THSD7B: variants seen among roughly 807,000 people sequenced by gnomAD.
THSD7B encodes the protein thrombospondin type 1 domain containing 7B.
A neutral mutation model predicts 213.6 loss-of-function variants in THSD7B; 138 were observed. The ratio of observed to expected loss-of-function variants is 0.65; its 90% CI spans 0.56 to 0.74. The LOEUF (loss-of-function observed/expected upper bound fraction) is 0.74. Ranked by LOEUF, THSD7B falls within the 30% of genes least tolerant of loss-of-function variation. THSD7B has a pLI of 0.00. For missense variants in THSD7B, 1,931 were observed against 1,991.5 expected (o/e 0.97, Z 0.58); for synonymous variants, 742 against 687.0 (o/e 1.08, Z -1.25).
At position 136,868,120 on chromosome 2, in the gene THSD7B, G is replaced by GCACACA. The variant is rs10671218; in HGVS notation, c.-35-14007_-35-14002dup. ...CCACACCACACACACACACGCGCGC[G>GCACACA]CACACACACACACACACACACATCC... On this transcript the variant is annotated intron_variant, in intron 1 of 27. Coordinates refer to ENST00000409968, the MANE Select transcript of THSD7B (RefSeq NM_001316349.2). 5.3e-4 allele frequency among the ~76,000 whole-genome samples: 79 copies of GCACACA among 149,256 alleles called. No homozygotes were observed. The East Asian group carries it at 9.0e-3, about 17-fold the overall frequency.
At chr2:136,858,011 GTT>G (rs1188046578) in intron 1 of THSD7B, among the ~76,000 whole-genome samples, 4 of 152,172 alleles carry the variant, frequency 2.6e-5, no homozygotes, top group African/African-American at 9.7e-5. Context: ...TATTTGAAAT[GTT>G]TGTAGAGTCT....
chr2:137,548,808 G>T (rs777221963), intron 15 of THSD7B, among the ~76,000 whole-genome samples: 3 of 152,044 alleles, frequency 2.0e-5, no homozygotes, highest in Non-Finnish European at 4.4e-5. Context: ...CCATACAAAT[G>T]TAGGATTTCT....
At chr2:137,129,945 T>A (rs1432210) in intron 5 of THSD7B, among the ~76,000 whole-genome samples, 104,684 of 151,630 alleles carry the variant, frequency 0.69, 37,328 homozygotes, top group Non-Finnish European at 0.77. Flanking sequence ...AGGTAAAAGA[T>A]AGTTTTATTT....
At chr2:137,060,517 T>C (rs1687251765) in intron 3 of THSD7B, among the ~76,000 whole-genome samples, 1 of 151,950 alleles carries the variant, frequency 6.6e-6, no homozygotes, top group Non-Finnish European at 1.5e-5. Context: ...CTATCATTCA[T>C]TTTGAGGTTT....
intron 1 of THSD7B, among the ~76,000 whole-genome samples, chr2:136,776,603 A>G (rs1350022883): frequency 6.6e-6 from 1 of 152,222 alleles, no homozygotes; most frequent in African/African-American, 2.4e-5. Flanking sequence ...AAATGTACAC[A>G]GGGACAGAAT....
In THSD7B at chr2:137,013,486, C is replaced by T. The variant is rs145768129; in HGVS notation, c.140-42934C>T. Among the ~76,000 whole-genome samples the T allele has an allele frequency of 1.7e-3, 260 of 152,250 alleles. 2 individuals carry two copies. Among genetic ancestry groups the T allele is most frequent in the African/African-American group, 5.8e-3 (240 of 41,564 alleles). On this transcript the variant is annotated intron_variant, in intron 2 of 27. Coordinates refer to ENST00000409968, the MANE Select transcript of THSD7B (RefSeq NM_001316349.2). ...GGGTACAAGAAAGGAGAGAACTGCA[C>T]AGAGAGAGGAAGTTCCAGAGGTGGG...
At position 137,411,647 on chromosome 2, in the gene THSD7B, C is replaced by A. The variant is rs1203114123; in HGVS notation, c.2734C>A (p.Leu912Ile). 1.9e-6 allele frequency: 3 copies of A among 1,613,836 alleles called. No individual in the cohort carries two copies. Among genetic ancestry groups the A allele is most frequent in the Non-Finnish European group, 2.5e-6 (3 of 1,179,798 alleles). Reference sequence around the variant, plus strand: ...GAAGGAGAAATGCCAGGATTCTGACCTTTACCCTCTAGTGGAGACAGAACT... The same window carrying A: ...GAAGGAGAAATGCCAGGATTCTGACATTTACCCTCTAGTGGAGACAGAACT... ...RKKEKCQDSD[L>I]YPLVETELCP... is the part of the protein sequence containing the mutation. The change falls in exon 14 of 28, where the codon CTT (leucine) becomes ATT (isoleucine). Residue 912 changes from leucine (L) to isoleucine (I), a missense_variant. Leu to Ile is a conservative substitution (Grantham distance 5). Coordinates refer to ENST00000409968, the MANE Select transcript of THSD7B (RefSeq NM_001316349.2).
chr2:137,093,761 T>A (rs1835805), intron 3 of THSD7B, among the ~76,000 whole-genome samples: 23,793 of 151,062 alleles, frequency 0.16, 2,932 homozygotes, highest in African/African-American at 0.35. Flanking sequence ...TCTTTTTTTT[T>A]AATTTTATTA....
At chr2:137,458,670 C>A (rs1479193455) in intron 15 of THSD7B, among the ~76,000 whole-genome samples, 1 of 152,102 alleles carries the variant, frequency 6.6e-6, no homozygotes, top group African/African-American at 2.4e-5. Context: ...TGCTGTTAAT[C>A]ATCAGTCATT....
chr2:137,532,161 A>G (rs1007841328), intron 15 of THSD7B, among the ~76,000 whole-genome samples: 1 of 151,964 alleles, frequency 6.6e-6, no homozygotes, highest in East Asian at 1.9e-4. Context: ...ATGAAAGAAC[A>G]TGCCTTGCAA....
intron 2 of THSD7B, among the ~76,000 whole-genome samples, chr2:136,948,600 A>G (rs960720458): frequency 6.6e-6 from 1 of 152,228 alleles, no homozygotes; most frequent in African/African-American, 2.4e-5. Context: ...TTTGTATGAT[A>G]TGTATAAGAA....
At chr2:136,781,013 C>A (rs1461047948) in intron 1 of THSD7B, among the ~76,000 whole-genome samples, 1 of 151,312 alleles carries the variant, frequency 6.6e-6, no homozygotes, top group African/African-American at 2.5e-5. Flanking sequence ...TAAAATGCTT[C>A]ATGCAATGTG....
intron 12 of THSD7B, among the ~76,000 whole-genome samples, chr2:137,332,033 G>A (rs991968160): frequency 1.3e-5 from 2 of 152,144 alleles, no homozygotes; most frequent in Non-Finnish European, 2.9e-5. Flanking sequence ...TCCGGCCTTG[G>A]CCAGCCCAGA....
At chr2:136,810,925 A>G (rs1208149483) in intron 1 of THSD7B, among the ~76,000 whole-genome samples, 4 of 152,234 alleles carry the variant, frequency 2.6e-5, no homozygotes, top group East Asian at 1.9e-4. Flanking sequence ...GTTCCCTTGC[A>G]CTGAATGTGG....
At chr2:136,791,305 C>T (rs963222085) in intron 1 of THSD7B, among the ~76,000 whole-genome samples, 1 of 151,666 alleles carries the variant, frequency 6.6e-6, no homozygotes, top group African/African-American at 2.4e-5. Flanking sequence ...CTCCACAACC[C>T]GGTAATTTTA....
chr2:136,887,130 C>T (rs1329741330), intron 2 of THSD7B, among the ~76,000 whole-genome samples: 1 of 152,100 alleles, frequency 6.6e-6, no homozygotes, highest in Non-Finnish European at 1.5e-5. Flanking sequence ...TCAAAGTATA[C>T]AATTCAGTGA....
intron 4 of THSD7B, 148 bp downstream of exon 4, chr2:137,095,269 G>A (rs1444868977): frequency 1.7e-6 from 2 of 1,153,484 alleles, no homozygotes; most frequent in Non-Finnish European, 2.4e-6. Flanking sequence ...AGGAGAGCGG[G>A]TTAAGATCAT....
chr2:137,346,145 C>T (rs1044342289), intron 12 of THSD7B, among the ~76,000 whole-genome samples: 2 of 151,596 alleles, frequency 1.3e-5, no homozygotes, highest in African/African-American at 4.8e-5. Context: ...TTTAAGTTTA[C>T]AGTGCCTAGT....
intron 12 of THSD7B, among the ~76,000 whole-genome samples, chr2:137,341,057 C>T (rs1204249661): frequency 1.3e-5 from 2 of 149,014 alleles, no homozygotes; most frequent in African/African-American, 4.9e-5. Context: ...ACCTTCCCAC[C>T]AACAGTTCCC....
Sources: gnomAD v4.1 joint callset for allele counts (sites outside exome capture counted in the v4.1 genomes callset) on GRCh38, gnomAD v4.1.1 for gene constraint, MANE v1.5 for transcripts, NCBI Gene and HGNC (gene_info 2026-07-23, HGNC 2026-07-21) for gene names.